The following EML6 variants were observed in gnomAD, a reference collection of about 807,000 sequenced individuals.
EML6 encodes the protein echinoderm microtubule-associated protein-like 6.
In EML6, 154 loss-of-function variants were observed where a neutral mutation model predicts 240.1. The ratio of observed to expected loss-of-function variants is 0.64; its 90% confidence interval spans 0.56 to 0.73. The LOEUF is 0.73. Ranked by LOEUF, EML6 falls within the 30% of genes least tolerant of loss-of-function variation. EML6 has a pLI of 0.00. For synonymous variants in EML6, 1,148 were observed against 899.0 expected, an observed-to-expected ratio of 1.28 and a Z score of -4.95; for missense variants, 2,964 against 2,474.6, an observed-to-expected ratio of 1.20 and a Z score of -4.20.
At chr2:54,941,546 C>G (rs1439731468) in intron 28 of EML6, among the ~76,000 whole-genome samples, 2 of 152,250 alleles carry the variant, frequency 1.3e-5, no homozygotes, top group African/African-American at 4.8e-5. Flanking sequence ...TAAGCTAATG[C>G]TGCTGGATTT....
chr2:54,819,513 C>T (rs1668228933), intron 4 of EML6, among the ~76,000 whole-genome samples: 1 of 152,158 alleles, frequency 6.6e-6, no homozygotes, highest in South Asian at 2.1e-4. Context: ...CACGGTGGCT[C>T]ATGCCTGTAA....
chr2:54,837,439 C>T (rs1001251042), intron 7 of EML6, among the ~76,000 whole-genome samples: 33 of 152,172 alleles, frequency 2.2e-4, no homozygotes, highest in African/African-American at 7.5e-4. Context: ...AATGATAATG[C>T]CACCTCCTAA....
chr2:54,821,620 T>A (rs1668339438), intron 5 of EML6, among the ~76,000 whole-genome samples: 1 of 152,100 alleles, frequency 6.6e-6, no homozygotes, highest in African/African-American at 2.4e-5. Context: ...AGGATATATG[T>A]ACCACTATTT....
At chr2:54,807,350 T>C (rs754523399) in intron 2 of EML6, among the ~76,000 whole-genome samples, 1 of 152,248 alleles carries the variant, frequency 6.6e-6, no homozygotes, top group Non-Finnish European at 1.5e-5. Flanking sequence ...TGTTGGTCAG[T>C]GATGTGAGAG....
chr2:54,950,893 C>G (rs1283008774), intron 30 of EML6, 114 bp downstream of exon 30: 13 of 1,128,644 alleles, frequency 1.2e-5, no homozygotes, highest in Non-Finnish European at 1.6e-5. Flanking sequence ...GAGCCATTCC[C>G]CCCAATTCCA....
chr2:54,887,093 C>T (rs986548200), intron 17 of EML6, among the ~76,000 whole-genome samples: 3 of 152,340 alleles, frequency 2.0e-5, no homozygotes, highest in South Asian at 4.1e-4. Context: ...ACTTCCCCTG[C>T]ACCACCCTTT....
intron 2 of EML6, among the ~76,000 whole-genome samples, chr2:54,784,869 A>G (rs1347063926): frequency 6.6e-6 from 1 of 152,148 alleles, no homozygotes; most frequent in African/African-American, 2.4e-5. Context: ...ATACCCTTAC[A>G]GTACTGTATT....
intron 9 of EML6, among the ~76,000 whole-genome samples, chr2:54,849,664 A>G (rs1278432846): frequency 2.0e-5 from 3 of 151,724 alleles, no homozygotes; most frequent in Non-Finnish European, 2.9e-5. Flanking sequence ...AATTTTTTGT[A>G]TTTTTCATAG....
At chr2:54,910,636 C>G (rs563027089) in intron 24 of EML6, among the ~76,000 whole-genome samples, 13 of 148,954 alleles carry the variant, frequency 8.7e-5, no homozygotes, top group African/African-American at 3.4e-4. Context: ...AGGGGGAAAA[C>G]TGATTTTTCT....
intron 2 of EML6, among the ~76,000 whole-genome samples, chr2:54,765,936 C>T (rs1008440626): frequency 6.6e-6 from 1 of 152,144 alleles, no homozygotes; most frequent in Non-Finnish European, 1.5e-5. Flanking sequence ...TACCAATATA[C>T]CTTTCACCCA....
chr2:54,897,765 A>T (rs766846884), intron 21 of EML6, among the ~76,000 whole-genome samples: 3 of 147,802 alleles, frequency 2.0e-5, no homozygotes, highest in Non-Finnish European at 4.5e-5. Flanking sequence ...GGTGGATCTC[A>T]TTATTTCAGT....
intron 35 of EML6, among the ~76,000 whole-genome samples, chr2:54,961,466 C>T (rs1676512416): frequency 6.6e-6 from 1 of 151,186 alleles, no homozygotes; most frequent in African/African-American, 2.4e-5. Context: ...GGATTACAGG[C>T]GTGAGCCATC....
chr2:54,820,429 C>T lies in EML6; in HGVS notation c.492C>T (p.Asn164=), dbSNP rs1469528898. 1.9e-6 allele frequency: 3 copies of T among 1,550,428 alleles called. No homozygotes were observed. Among genetic ancestry groups the T allele is most frequent in the South Asian group, 1.2e-5 (1 of 83,804 alleles). The change falls in exon 5 of 42, where the codon AAC becomes AAT. Residue 164 remains asparagine (N), a synonymous_variant. Coordinates refer to ENST00000356458, the MANE Select transcript of EML6 (RefSeq NM_001039753.4). The part of the protein sequence containing the change: ...FDISWDPYQP[N]RVVSCGVKHI... ...TTTCCTGGGATCCATATCAGCCAAA[C>T]AGAGTGGTTAGCTGTGGAGTAAAAC...
intron 34 of EML6, 75 bp downstream of exon 34, chr2:54,959,336 C>G: frequency 7.2e-7 from 1 of 1,394,850 alleles, no homozygotes; most frequent in South Asian, 1.5e-5. Flanking sequence ...GTGTTCCCAA[C>G]TTGGAGAAAA....
chr2:54,804,070 T>G (rs1006702580), intron 2 of EML6, among the ~76,000 whole-genome samples: 1 of 152,202 alleles, frequency 6.6e-6, no homozygotes, highest in African/African-American at 2.4e-5. Flanking sequence ...ACTAGCAAAT[T>G]AAGACTTACC....
chr2:54,899,906 G>A (rs1672967167), intron 22 of EML6, 124 bp downstream of exon 22: 10 of 957,452 alleles, frequency 1.0e-5, no homozygotes, highest in Non-Finnish European at 1.5e-5. Flanking sequence ...GCTGGGCAAT[G>A]AGAATTTTAT....
chr2:54,884,231 A>AG lies in EML6; in HGVS notation c.2438+4591_2438+4592insG, dbSNP rs1573065858. On this transcript the variant is annotated intron_variant, in intron 17 of 41. Coordinates refer to ENST00000356458, the MANE Select transcript of EML6 (RefSeq NM_001039753.4). ...CTTACTTCATTTGCCAGGTTATTAC[A>AG]AAGGTTATGGTTGGGAAGCTATATA... Among the ~76,000 whole-genome samples, 3 of 151,994 alleles carry AG rather than the reference A, an allele frequency of 2.0e-5. No homozygotes were observed. In the East Asian group the frequency reaches 5.8e-4, roughly 29 times the overall value.
chr2:54,886,460 G>A (rs1055334883), intron 17 of EML6, among the ~76,000 whole-genome samples: 7 of 152,084 alleles, frequency 4.6e-5, no homozygotes, highest in East Asian at 1.9e-4. Flanking sequence ...GTGCGCCACC[G>A]CGTCTGGCCT....
At chr2:54,814,632 A>C (rs1410307922) in intron 3 of EML6, among the ~76,000 whole-genome samples, 1 of 152,178 alleles carries the variant, frequency 6.6e-6, no homozygotes, top group Non-Finnish European at 1.5e-5. Flanking sequence ...GTGCCATGCA[A>C]AGATCTGTGA....
Sources: allele counts gnomAD v4.1 joint callset (sites outside exome capture counted in the v4.1 genomes callset), GRCh38; gene constraint gnomAD v4.1.1; transcripts MANE v1.5; gene names NCBI Gene and HGNC (gene_info 2026-07-23, HGNC 2026-07-21).